Variants in CPSF3 observed in about 807,000 individuals in gnomAD.
The protein encoded by CPSF3 is cleavage and polyadenylation specificity factor subunit 3.
Under a neutral mutation model 84.1 loss-of-function variants are expected in CPSF3, and 57 were observed. The ratio of observed to expected loss-of-function variants is 0.68; its 90% confidence interval spans 0.55 to 0.85. The LOEUF is 0.85. Ranked by LOEUF, CPSF3 falls within the 40% of genes least tolerant of loss-of-function variation. The pLI is 0.00. For synonymous variants in CPSF3, 275 were observed against 278.1 expected (o/e 0.99, Z 0.11); for missense variants, 522 against 838.8 (o/e 0.62, Z 4.66).
intron 10 of CPSF3, among the ~76,000 whole-genome samples, chr2:9,446,170 T>A (rs1681117791): frequency 6.6e-6 from 1 of 152,152 alleles, no homozygotes; most frequent in Non-Finnish European, 1.5e-5. Context: ...CTAAGAACAA[T>A]CTATCTTGGC....
intron 15 of CPSF3, among the ~76,000 whole-genome samples, chr2:9,459,995 A>G (rs1004124989): frequency 1.3e-5 from 2 of 152,010 alleles, no homozygotes; most frequent in Admixed American, 1.3e-4. Flanking sequence ...CTGTGAACTA[A>G]AAGGCAGTAC....
rs914689502 is a variant in CPSF3, at chr2:9,439,244, A to C, written c.761-1247A>C. 4.6e-5 allele frequency among the ~76,000 whole-genome samples: 7 copies of C among 152,290 alleles called. No homozygotes were observed. In the East Asian group the frequency reaches 1.2e-3, roughly 25 times the overall value. Reference sequence around the variant, plus strand: ...TAGTTTGCTAGTTAAAATGGTGATAAGTCTTCGTAAGTTGTTTTGAAAATT... The same window carrying C: ...TAGTTTGCTAGTTAAAATGGTGATACGTCTTCGTAAGTTGTTTTGAAAATT... On this transcript the variant is annotated intron_variant, in intron 7 of 17. Coordinates refer to ENST00000238112, the MANE Select transcript of CPSF3 (RefSeq NM_016207.4).
intron 15 of CPSF3, among the ~76,000 whole-genome samples, chr2:9,466,274 G>C (rs10165090): frequency 4.7e-4 from 25 of 52,820 alleles, no homozygotes; most frequent in Admixed American, 3.9e-3. Context: ...AAAGACGCAC[G>C]CACACACGTG....
chr2:9,430,052 T>C, intron 3 of CPSF3, 32 bp downstream of exon 3: 1 of 1,259,418 alleles, frequency 7.9e-7, no homozygotes. Context: ...TGACACTTTT[T>C]CACGGACTTT....
Position 9,432,707 on chromosome 2 carries a change from G to A in CPSF3, c.519+19G>A, listed in dbSNP as rs758235541. On this transcript the variant is annotated intron_variant, in intron 5 of 17. Coordinates refer to ENST00000238112, the MANE Select transcript of CPSF3 (RefSeq NM_016207.4). ...CGTGAAGGTACCCTCTGGCTGTGGC[G>A]CTTTTCTCCCCAGAGAAATCAGTAC... 2.4e-5 allele frequency: 36 copies of A among 1,481,638 alleles called. 1 individual carries two copies. The highest frequency in any genetic ancestry group is 2.4e-5 in the Non-Finnish European group (26 of 1,096,382). 91.8% of individuals were successfully genotyped at this position (1,481,638 alleles called of 1,614,324 possible). A position where few individuals can be genotyped will look rare whatever the true frequency, so the allele number is the denominator to read the frequency against.
At chr2:9,437,757 T>G (rs997895051) in intron 7 of CPSF3, among the ~76,000 whole-genome samples, 1 of 152,194 alleles carries the variant, frequency 6.6e-6, no homozygotes, top group Non-Finnish European at 1.5e-5. Context: ...TTCCAGCACC[T>G]TGAGAGGCTA....
chr2:9,428,826 A>G lies in CPSF3; in HGVS notation c.112A>G (p.Met38Val), dbSNP rs1256534531. 1 of 1,565,200 alleles carries G rather than the reference A, an allele frequency of 6.4e-7. No homozygotes were observed. Among genetic ancestry groups the G allele is most frequent in the Non-Finnish European group, 8.8e-7 (1 of 1,135,654 alleles). ...IILEFKGRKI[M>V]LDCGIHPGLE... ...TCTCGAGTTCAAAGGAAGAAAAATA[A>G]TGGTAATTACTATTTTTGTACTCAG... Residue 38 changes from methionine to valine, a missense_variant and splice_region_variant, in exon 2 of 18, where the codon ATG becomes GTG. Physicochemically the swap from Met to Val is conservative, Grantham distance 21. Coordinates refer to ENST00000238112, the MANE Select transcript of CPSF3 (RefSeq NM_016207.4).
chr2:9,464,842 T>C lies in CPSF3; in HGVS notation c.1787-2865T>C, dbSNP rs1057233230. ...CCTGAGCTCAAGAGATCTGCCCACC[T>C]TGGCCTCCCAGAGTGCTAGGATTCC... On this transcript the variant is annotated intron_variant, in intron 15 of 17. Coordinates refer to ENST00000238112, the MANE Select transcript of CPSF3 (RefSeq NM_016207.4). Among the ~76,000 whole-genome samples the C allele has an allele frequency of 3.2e-4, 48 of 152,214 alleles. 1 individual carries two copies. Among genetic ancestry groups the C allele is most frequent in the South Asian group, 6.2e-4 (3 of 4,818 alleles).
intron 11 of CPSF3, among the ~76,000 whole-genome samples, chr2:9,451,175 T>A (rs914398928): frequency 1.3e-5 from 2 of 152,174 alleles, no homozygotes; most frequent in Non-Finnish European, 2.9e-5. Flanking sequence ...ACCCATAATT[T>A]TAATGATTTA....
chr2:9,451,149 G>T (rs2124841004), intron 11 of CPSF3, among the ~76,000 whole-genome samples: 1 of 151,770 alleles, frequency 6.6e-6, no homozygotes, highest in East Asian at 1.9e-4. Context: ...TTTCTTATCG[G>T]AGTGTTCTGT....
rs1390974274 is a variant in CPSF3 at position 9,443,486 on chromosome 2, G to A, written c.1096-29G>A. On this transcript the variant is annotated intron_variant, in intron 9 of 17. Transcript: ENST00000238112. ...CTTTACGATTATAACTGGGTAGTTT[G>A]TTTTGTTATTTTTCTTTATTTTCCA... 6 of 1,592,004 alleles carry A rather than the reference G, an allele frequency of 3.8e-6. No individual in the cohort carries two copies. In the East Asian group the frequency reaches 1.3e-4, roughly 36 times the overall value.
chr2:9,455,488 A>AC (rs1392527178), intron 12 of CPSF3, among the ~76,000 whole-genome samples, 171 bp from the exon 13 acceptor site: 1 of 152,206 alleles, frequency 6.6e-6, no homozygotes, highest in Non-Finnish European at 1.5e-5. Flanking sequence ...AGAGGTAGGG[A>AC]CATAGGGAGA....
intron 5 of CPSF3, among the ~76,000 whole-genome samples, chr2:9,433,658 T>A (rs1680675233): frequency 6.6e-6 from 1 of 152,234 alleles, no homozygotes; most frequent in Non-Finnish European, 1.5e-5. Flanking sequence ...GGGAATAGAT[T>A]ATTCCCATTT....
Position 9,443,563 on chromosome 2 carries a change from T to C in CPSF3, c.1144T>C (p.Leu382=), listed in dbSNP as rs79545197. 936 of 1,614,162 alleles carry C rather than the reference T, an allele frequency of 5.8e-4. 3 individuals carry two copies. The African/African-American group carries it at 0.011, about 20-fold the overall frequency. The change falls in exon 10 of 18, where the codon TTA becomes CTA. Residue 382 remains leucine (L), a synonymous_variant. Coordinates refer to ENST00000238112, the MANE Select transcript of CPSF3 (RefSeq NM_016207.4). The stretch of plus-strand genomic sequence containing the variant: ...AATCACTACTATGTCTGGACAGAAG[T>C]TACCACTGAAAATGTCTGTTGATTA... ...EEITTMSGQK[L]PLKMSVDYIS...
intron 4 of CPSF3, 53 bp downstream of exon 4, chr2:9,430,933 G>C: frequency 1.4e-6 from 2 of 1,402,588 alleles, no homozygotes; most frequent in Non-Finnish European, 2.0e-6. Flanking sequence ...GGCATGTATG[G>C]TTCAAGATAT....
chr2:9,432,527 G>A lies in CPSF3; in HGVS notation c.358G>A (p.Asp120Asn), dbSNP rs1389860197. ...YVKVSNISAD[D>N]MLYTETDLEE... ...AAAATTTAGTAACATATCAGCAGAC[G>A]ACATGCTGTATACCGAGACAGATTT... Residue 120 changes from aspartate to asparagine, a missense_variant, in exon 5 of 18, where the codon GAC (aspartate) becomes AAC (asparagine). By Grantham distance (23) the Asp-to-Asn change is conservative. This residue lies in a region of CPSF3 where 329 missense variants were observed against 607.2 expected (regional missense o/e 0.54). Coordinates refer to ENST00000238112, the MANE Select transcript of CPSF3 (RefSeq NM_016207.4). The A allele has an allele frequency of 2.0e-6, 3 of 1,518,942 alleles. No homozygotes were observed. Among genetic ancestry groups the A allele is most frequent in the Non-Finnish European group, 2.7e-6 (3 of 1,114,996 alleles). 94.1% of individuals were successfully genotyped at this position (1,518,942 alleles called of 1,614,324 possible).
At chr2:9,446,403 AC>A (rs1360501396) in intron 10 of CPSF3, among the ~76,000 whole-genome samples, 1 of 151,916 alleles carries the variant, frequency 6.6e-6, no homozygotes, top group African/African-American at 2.4e-5. Context: ...ACACGGTGAA[AC>A]CCCGTCTCTA....
At chr2:9,472,556 G>A (rs766111166) in intron 17 of CPSF3, among the ~76,000 whole-genome samples, 1 of 152,156 alleles carries the variant, frequency 6.6e-6, no homozygotes, top group Non-Finnish European at 1.5e-5. Context: ...TTAGGACCGT[G>A]CTGCTGTCAG....
chr2:9,442,853 C>CAAAAAAA (rs1217742306), intron 9 of CPSF3, among the ~76,000 whole-genome samples: 1 of 101,478 alleles, frequency 9.9e-6, no homozygotes, highest in African/African-American at 3.9e-5. Flanking sequence ...ACTCCATCTC[C>CAAAAAAA]AAAAAAAAAA....
Sources: allele counts gnomAD v4.1 joint callset (sites outside exome capture counted in the v4.1 genomes callset), GRCh38; gene constraint gnomAD v4.1.1; regional missense constraint gnomAD v4.1.1; transcripts MANE v1.5; gene names NCBI Gene and HGNC (gene_info 2026-07-23, HGNC 2026-07-21).